Variants in PPM1L observed in about 807,000 individuals in gnomAD.
The protein encoded by PPM1L is protein phosphatase, Mg2+/Mn2+ dependent 1L.
A neutral mutation model predicts 31.4 loss-of-function variants in PPM1L; 13 were observed. That is an observed-to-expected ratio of 0.41 (90% CI 0.27 to 0.66). The LOEUF is 0.66. Among genes scored for constraint, PPM1L ranks in the 30% least tolerant of loss-of-function variants. The pLI is 0.29. For synonymous variants in PPM1L, 184 were observed against 175.4 expected, an observed-to-expected ratio of 1.05 and a Z score of -0.39; for missense variants, 326 against 453.7, an observed-to-expected ratio of 0.72 and a Z score of 2.56.
intron 2 of PPM1L, among the ~76,000 whole-genome samples, chr3:160,994,526 A>G (rs1020835392): frequency 5.3e-5 from 8 of 152,184 alleles, no homozygotes; most frequent in African/African-American, 1.9e-4. Context: ...TCCTCATAGA[A>G]ATCTCCAGGT....
At chr3:160,959,699 GGC>G (rs970291407) in intron 1 of PPM1L, among the ~76,000 whole-genome samples, 3 of 152,074 alleles carry the variant, frequency 2.0e-5, no homozygotes, top group Admixed American at 1.3e-4. Context: ...CGGGCATGGT[GGC>G]AGGCACTTGT....
At chr3:160,983,785 C>A (rs1380543193) in intron 2 of PPM1L, among the ~76,000 whole-genome samples, 1 of 151,882 alleles carries the variant, frequency 6.6e-6, no homozygotes, top group Non-Finnish European at 1.5e-5. Flanking sequence ...GGAAAGAGTA[C>A]AAAGAGAGAA....
chr3:160,943,961 G>A (rs1715241880), intron 1 of PPM1L, among the ~76,000 whole-genome samples: 1 of 152,136 alleles, frequency 6.6e-6, no homozygotes, highest in East Asian at 1.9e-4. Flanking sequence ...ATTGTAGATG[G>A]CAAAGTTTAT....
In PPM1L at chr3:160,756,843, C is replaced by T; in HGVS notation, c.399+136C>T. On this transcript the variant is annotated intron_variant, in intron 1 of 3. Transcript: ENST00000498165. The surrounding 1 kb of genome is among the most constrained non-coding windows in gnomAD (Gnocchi z 6.2). ...CGGGAGAGGATCTGGGTGCGAGGGG[C>T]GTGGTGATGACACCACGGTGCCTGG... 1 of 983,780 alleles carries T rather than the reference C, an allele frequency of 1.0e-6. No homozygotes were observed. The highest frequency in any genetic ancestry group is 1.7e-5 in the South Asian group (1 of 58,720). The allele number at this position is 983,780 out of a possible 1,614,324, so 60.9% of individuals were successfully genotyped here.
At chr3:160,937,878 A>G (rs939754770) in intron 1 of PPM1L, among the ~76,000 whole-genome samples, 4 of 152,148 alleles carry the variant, frequency 2.6e-5, no homozygotes, top group African/African-American at 9.7e-5. Context: ...TATTTTTATT[A>G]TTGTTCAACA....
At chr3:160,763,263 A>G (rs1715016583) in intron 1 of PPM1L, among the ~76,000 whole-genome samples, 2 of 152,210 alleles carry the variant, frequency 1.3e-5, no homozygotes, top group African/African-American at 4.8e-5. Flanking sequence ...GGTTTGGAGT[A>G]TCCCTTTCCG....
At chr3:160,793,940 G>A (rs1712172354) in intron 1 of PPM1L, among the ~76,000 whole-genome samples, 1 of 152,170 alleles carries the variant, frequency 6.6e-6, no homozygotes, top group Non-Finnish European at 1.5e-5. Flanking sequence ...GTTGAGCTCT[G>A]ATTGGTTGGT....
chr3:160,964,514 G>C (rs1414063862), intron 2 of PPM1L, among the ~76,000 whole-genome samples: 1 of 152,038 alleles, frequency 6.6e-6, no homozygotes, highest in African/African-American at 2.4e-5. Context: ...TGGTCTTGCT[G>C]TCTCAGGGGT....
At chr3:160,821,962 G>A (rs576782809) in intron 1 of PPM1L, among the ~76,000 whole-genome samples, 3 of 151,886 alleles carry the variant, frequency 2.0e-5, no homozygotes, top group Admixed American at 6.6e-5. Context: ...GATAGTCTAA[G>A]GAGTAAAGAG....
At chr3:160,782,084 T>C (rs1034070357) in intron 1 of PPM1L, among the ~76,000 whole-genome samples, 2 of 152,168 alleles carry the variant, frequency 1.3e-5, no homozygotes, top group African/African-American at 2.4e-5. Context: ...TTATAGCCAT[T>C]ACCACTGTCT....
At chr3:160,912,886 G>C (rs1370094440) in intron 1 of PPM1L, among the ~76,000 whole-genome samples, 1 of 152,118 alleles carries the variant, frequency 6.6e-6, no homozygotes, top group Non-Finnish European at 1.5e-5. Context: ...GGGAGACTTT[G>C]GAAACAGAAT....
intron 1 of PPM1L, among the ~76,000 whole-genome samples, chr3:160,933,546 C>T (rs1045356786): frequency 1.3e-5 from 2 of 152,186 alleles, no homozygotes; most frequent in African/African-American, 2.4e-5. Flanking sequence ...CCACCTCCCT[C>T]TCTTCCTTGC....
chr3:160,943,694 T>C (rs1483611378), intron 1 of PPM1L, among the ~76,000 whole-genome samples: 2 of 152,176 alleles, frequency 1.3e-5, no homozygotes, highest in Non-Finnish European at 2.9e-5. Context: ...TTCATTTAAT[T>C]GATAGTAGAA....
At chr3:160,973,479 G>T (rs1365267686) in intron 2 of PPM1L, among the ~76,000 whole-genome samples, 1 of 152,192 alleles carries the variant, frequency 6.6e-6, no homozygotes, top group Non-Finnish European at 1.5e-5. Context: ...TAGAATGTTT[G>T]TAATAAATTT....
chr3:160,974,461 T>G (rs1175221551), intron 2 of PPM1L, among the ~76,000 whole-genome samples: 4 of 150,580 alleles, frequency 2.7e-5, no homozygotes, highest in African/African-American at 4.8e-5. Flanking sequence ...ACTTCCACAA[T>G]GGTTGAACTA....
At chr3:160,782,717 T>C (rs370567025) in intron 1 of PPM1L, among the ~76,000 whole-genome samples, 19 of 152,326 alleles carry the variant, frequency 1.2e-4, no homozygotes, top group African/African-American at 4.3e-4. Flanking sequence ...AGAAGTGATA[T>C]ATGCTAGTTG....
chr3:160,946,559 A>G (rs1263874638), intron 1 of PPM1L, among the ~76,000 whole-genome samples: 2 of 152,154 alleles, frequency 1.3e-5, no homozygotes, highest in African/African-American at 4.8e-5. Context: ...ATCTTGTGGA[A>G]CTGAGTCCTC....
chr3:161,038,038 C>T (rs1718796645), intron 2 of PPM1L, among the ~76,000 whole-genome samples: 1 of 151,442 alleles, frequency 6.6e-6, no homozygotes, highest in Non-Finnish European at 1.5e-5. Flanking sequence ...TCGAGACCAT[C>T]CCGGCTAAAA....
chr3:160,924,952 G>A (rs1323718822), intron 1 of PPM1L, among the ~76,000 whole-genome samples: 2 of 152,188 alleles, frequency 1.3e-5, no homozygotes, highest in African/African-American at 4.8e-5. Flanking sequence ...CCTCATTGCA[G>A]ACATGCTAGA....
Sources: allele counts gnomAD v4.1 joint callset (sites outside exome capture counted in the v4.1 genomes callset), GRCh38; gene constraint gnomAD v4.1.1; non-coding constraint Gnocchi (gnomAD v3.1); transcripts MANE v1.5; gene names NCBI Gene and HGNC (gene_info 2026-07-23, HGNC 2026-07-21).